Variants in SH3TC1 observed in about 807,000 individuals in gnomAD.
SH3TC1 encodes the protein SH3 domain and tetratricopeptide repeat-containing protein 1.
Under a neutral mutation model 117.3 loss-of-function variants are expected in SH3TC1, and 135 were observed. The ratio of observed to expected loss-of-function variants is 1.15; its 90% CI spans 1.00 to 1.33. The LOEUF is 1.33. Ranked by LOEUF, SH3TC1 falls within the 40% of genes most tolerant of loss-of-function variation. SH3TC1 has a pLI of 0.00. For missense variants in SH3TC1, 2,092 were observed against 1,794.3 expected (o/e 1.17, Z -3.00); for synonymous variants, 898 against 816.9 (o/e 1.10, Z -1.69).
rs1228830018 is a variant in SH3TC1, at chr4:8,225,716, C to A, written c.1285+500C>A. Among the ~76,000 whole-genome samples, 1 of 152,222 alleles carries A rather than the reference C, an allele frequency of 6.6e-6. No individual in the cohort carries two copies. Among genetic ancestry groups the A allele is most frequent in the African/African-American group, 2.4e-5 (1 of 41,462 alleles). Reference sequence around the variant, plus strand: ...CCTCTACAGCTCTGTCTCTTCCCCTCACACAGGGTCCGCATGGGGAGAGCC... The same window carrying A: ...CCTCTACAGCTCTGTCTCTTCCCCTAACACAGGGTCCGCATGGGGAGAGCC... On this transcript the variant is annotated intron_variant, in intron 11 of 17. Coordinates refer to ENST00000245105, the MANE Select transcript of SH3TC1 (RefSeq NM_018986.5). This position sits in a 1 kb window ranked among gnomAD's most constrained non-coding sequence, Gnocchi z 5.5.
rs1267168084 is a variant in SH3TC1, at chr4:8,228,064, C to A, written c.2370C>A (p.Thr790=). The A allele has an allele frequency of 1.2e-6, 2 of 1,605,100 alleles. No individual in the cohort carries two copies. The highest frequency in any genetic ancestry group is 2.7e-5 in the African/African-American group (2 of 74,822). ...AGGCGCTGCGCGGCCCCCTCTACAC[C>A]AGCTTGGCCCAGCTGTACAGCCACC... ...TGQALRGPLY[T]SLAQLYSHHG... is the part of the protein sequence containing the mutation. Residue 790 remains threonine (T), a synonymous_variant, in exon 12 of 18, where the codon ACC becomes ACA. Transcript: ENST00000245105.
chr4:8,234,028 CCATCCATT>C lies in SH3TC1; in HGVS notation c.3282+523_3282+530del, dbSNP rs970606048. ...TTCCATTTATCCATCCATCATCCAT[CCATCCATT>C]CATCCATCATTCATCCATCCTTTTA... On this transcript the variant is annotated intron_variant, in intron 14 of 17. Transcript: ENST00000245105. Among the ~76,000 whole-genome samples, 5 of 138,184 alleles carry C rather than the reference CCATCCATT, an allele frequency of 3.6e-5. No homozygotes were observed. The East Asian group carries it at 6.5e-4, about 18-fold the overall frequency. 90.7% of individuals were successfully genotyped at this position (138,184 alleles called of 152,430 possible).
At position 8,241,023 on chromosome 4, in the gene SH3TC1, G is replaced by T; in HGVS notation, c.*68G>T. ...TCTCCTGCCTCTCCTGGTGTCGCCG[G>T]TGGCTCATTTTCTGGCAAATGGAGG... On this transcript the variant is annotated 3_prime_UTR_variant, in exon 18 of 18. Transcript: ENST00000245105. The T allele has an allele frequency of 6.4e-7, 1 of 1,567,628 alleles. No individual in the cohort carries two copies. Among genetic ancestry groups the T allele is most frequent in the East Asian group, 2.3e-5 (1 of 44,254 alleles).
In SH3TC1 at chr4:8,186,196, G is replaced by A. The variant is rs1011143139; in HGVS notation, c.-57+3986G>A. 2.6e-5 allele frequency among the ~76,000 whole-genome samples: 4 copies of A among 152,186 alleles called. No homozygotes were observed. Among genetic ancestry groups the A allele is most frequent in the African/African-American group, 4.8e-5 (2 of 41,434 alleles). ...GAGGGGCTGGGGCCAGCCTGACTCCGAACCAAGACCAGCAGCAAAATTTGC... is the reference window on the plus strand; with the variant it reads ...GAGGGGCTGGGGCCAGCCTGACTCCAAACCAAGACCAGCAGCAAAATTTGC... On this transcript the variant is annotated intron_variant, in intron 1 of 16. Coordinates refer to the SH3TC1 transcript ENST00000508641. This position sits in a 1 kb window ranked among gnomAD's most constrained non-coding sequence, Gnocchi z 5.2.
chr4:8,233,674 T>C (rs56044431), intron 14 of SH3TC1, among the ~76,000 whole-genome samples, 161 bp downstream of exon 14: 48,172 of 150,598 alleles, frequency 0.32, 8,289 homozygotes, highest in Non-Finnish European at 0.39. Flanking sequence ...CCCATTCACC[T>C]ATGGGTCCTT....
At position 8,209,637 on chromosome 4, in the gene SH3TC1, G is replaced by A. The variant is rs1411867326; in HGVS notation, c.173-111G>A. 2.4e-5 allele frequency: 37 copies of A among 1,549,658 alleles called. No homozygotes were observed. The highest frequency in any genetic ancestry group is 2.4e-5 in the Non-Finnish European group (28 of 1,149,434). ...CAGCTGTGGGAAAGGCGGCTCGTGC[G>A]GGACAGAACTCACCTCTTTTCTTGC... On this transcript the variant is annotated intron_variant, in intron 2 of 17. Transcript: ENST00000245105. This position sits in a 1 kb window ranked among gnomAD's most constrained non-coding sequence, Gnocchi z 5.9.
intron 5 of SH3TC1, among the ~76,000 whole-genome samples, chr4:8,215,798 G>C (rs1561691435): frequency 1.3e-5 from 2 of 152,360 alleles, no homozygotes; most frequent in African/African-American, 4.8e-5. Context: ...ACCCCCTGCG[G>C]CCTGCACGGC....
At chr4:8,231,743 G>A (rs946077996) in intron 12 of SH3TC1, 1 of 562,840 alleles carries the variant, frequency 1.8e-6, no homozygotes, top group Non-Finnish European at 3.1e-6. Flanking sequence ...CCTGGTGCAG[G>A]GGCCAAGCTC....
chr4:8,232,793 G>A (rs770410830), intron 13 of SH3TC1: 118 of 1,287,906 alleles, frequency 9.2e-5, no homozygotes, highest in Non-Finnish European at 1.1e-4. Flanking sequence ...CCGGGAGATC[G>A]GCTCCAGCCT....
chr4:8,223,264 G>T (rs1720121073), intron 10 of SH3TC1, among the ~76,000 whole-genome samples: 1 of 152,252 alleles, frequency 6.6e-6, no homozygotes, highest in Admixed American at 6.5e-5. Flanking sequence ...CGAGGGAGAG[G>T]GTATGGGTCT....
rs752738823 is a variant in SH3TC1, at chr4:8,228,028, G to A, written c.2334G>A (p.Pro778=). ...YLRQALASLT[P]GTGQALRGPL... ...GGCAAGCGCTGGCCTCCCTGACCCC[G>A]GGCACAGGCCAGGCGCTGCGCGGCC... Residue 778 remains proline (P), a synonymous_variant, in exon 12 of 18, where the codon CCG becomes CCA. Coordinates refer to ENST00000245105, the MANE Select transcript of SH3TC1 (RefSeq NM_018986.5). The A allele has an allele frequency of 8.7e-6, 14 of 1,610,244 alleles. No homozygotes were observed. Among genetic ancestry groups the A allele is most frequent in the Middle Eastern group, 1.6e-4 (1 of 6,078 alleles).
chr4:8,187,627 C>T (rs1264053508), intron 1 of SH3TC1, among the ~76,000 whole-genome samples: 2 of 151,560 alleles, frequency 1.3e-5, no homozygotes, highest in African/African-American at 2.4e-5. Flanking sequence ...TCTCAGCTCA[C>T]TGCAACTTCC....
chr4:8,203,328 C>A (rs929172061), intron 1 of SH3TC1, among the ~76,000 whole-genome samples: 35 of 151,968 alleles, frequency 2.3e-4, no homozygotes, highest in African/African-American at 8.5e-4. Flanking sequence ...ATTGCCTAGC[C>A]CCTCAGAGCC....
intron 3 of SH3TC1, among the ~76,000 whole-genome samples, chr4:8,212,043 G>T (rs3756196): frequency 0.26 from 39,480 of 152,010 alleles, 5,994 homozygotes; most frequent in Non-Finnish European, 0.34. Context: ...GGAGTGGGGT[G>T]GGGGGTGGAG....
chr4:8,232,567 A>G, intron 13 of SH3TC1: 2 of 1,358,412 alleles, frequency 1.5e-6, no homozygotes, highest in Non-Finnish European at 1.9e-6. Context: ...CTTCTCTCCC[A>G]CAGAAGACAG....
rs562788402 is a variant in SH3TC1, at chr4:8,219,529, G to A, written c.1111G>A (p.Glu371Lys). The A allele has an allele frequency of 7.1e-6, 11 of 1,550,804 alleles. No individual in the cohort carries two copies. Among genetic ancestry groups the A allele is most frequent in the African/African-American group, 4.1e-5 (3 of 73,434 alleles). ...SLISMQGPVS[E>K]LESAIFLNEE... is the part of the protein sequence containing the mutation. ...CATCAGCATGCAGGGCCCCGTGTCC[G>A]AGTGAGTGGCTGGAGCCCCGCCCCT... The change falls in exon 9 of 18, where the codon GAG becomes AAG. Residue 371 changes from glutamate to lysine, a missense_variant and splice_region_variant. Glu to Lys is a moderately conservative substitution (Grantham distance 56). Transcript: ENST00000245105.
chr4:8,235,071 C>T (rs576188864), intron 14 of SH3TC1, among the ~76,000 whole-genome samples: 1 of 152,308 alleles, frequency 6.6e-6, no homozygotes, highest in East Asian at 1.9e-4. Context: ...GATGTGGGGT[C>T]CTGAGCTGTG....
Position 8,226,977 on chromosome 4 carries a change from C to A in SH3TC1, c.1286-3C>A. 2.0e-6 allele frequency: 3 copies of A among 1,527,460 alleles called. No homozygotes were observed. Among genetic ancestry groups the A allele is most frequent in the South Asian group, 1.3e-5 (1 of 78,044 alleles). The allele number at this position is 1,527,460 out of a possible 1,614,324, so 94.6% of individuals were successfully genotyped here. A position where few individuals can be genotyped will look rare whatever the true frequency, so the allele number is the denominator to read the frequency against. On this transcript the variant is annotated splice_polypyrimidine_tract_variant and splice_region_variant and intron_variant, in intron 11 of 17. Coordinates refer to ENST00000245105, the MANE Select transcript of SH3TC1 (RefSeq NM_018986.5). ...TCTGTCTAGGTGTTTTTGTGACTTG[C>A]AGAAATACCTCCACCTTGCCTGAGC...
intron 1 of SH3TC1, among the ~76,000 whole-genome samples, chr4:8,201,135 C>G (rs1717802446): frequency 6.6e-6 from 1 of 152,142 alleles, no homozygotes; most frequent in Admixed American, 6.5e-5. Flanking sequence ...AGTATTTGTT[C>G]CGTAAGAGCC....
Sources: gnomAD v4.1 joint callset for allele counts (sites outside exome capture counted in the v4.1 genomes callset) on GRCh38, gnomAD v4.1.1 for gene constraint, Gnocchi (gnomAD v3.1) non-coding constraint, MANE v1.5 for transcripts, NCBI Gene and HGNC (gene_info 2026-07-23, HGNC 2026-07-21) for gene names.